Variants in NAGS observed in about 807,000 individuals in gnomAD.
The protein encoded by NAGS is N-acetylglutamate synthase, mitochondrial.
A neutral mutation model predicts 46.9 loss-of-function variants in NAGS; 34 were observed. The ratio of observed to expected loss-of-function variants is 0.72; its 90% CI spans 0.55 to 0.97. The LOEUF (loss-of-function observed/expected upper bound fraction) is 0.97, where lower values mean the gene tolerates loss of function less well. Ranked by LOEUF, NAGS falls within the 50% of genes least tolerant of loss-of-function variation. The pLI is 0.00. For missense variants in NAGS, 665 were observed against 747.0 expected, an observed-to-expected ratio of 0.89 and a Z score of 1.28; for synonymous variants, 334 against 346.3, an observed-to-expected ratio of 0.96 and a Z score of 0.39.
rs1375520176 is a variant in NAGS at position 44,007,255 on chromosome 17, C to A, written c.1097-68C>A. ...AATTGTCCCACCAGCGCCTGTCCTA[C>A]CTGCAGTCCCCACCAGGCTGCGCAA... On this transcript the variant is annotated intron_variant, in intron 4 of 6. Coordinates refer to ENST00000293404, the MANE Select transcript of NAGS (RefSeq NM_153006.3). The surrounding 1 kb of genome is among the most constrained non-coding windows in gnomAD (Gnocchi z 5.1). 1.3e-6 allele frequency: 2 copies of A among 1,506,704 alleles called. No homozygotes were observed. The highest frequency in any genetic ancestry group is 4.6e-5 in the East Asian group (2 of 43,048). The allele number at this position is 1,506,704 out of a possible 1,614,324, so 93.3% of individuals were successfully genotyped here.
chr17:44,006,899 C>CG lies in NAGS; in HGVS notation c.1096+190_1096+191insG. On this transcript the variant is annotated intron_variant, in intron 4 of 6. Transcript: ENST00000293404. This position sits in a 1 kb window ranked among gnomAD's most constrained non-coding sequence, Gnocchi z 4.8. ...GTGAGAGAGGAGGAGACCCAGTGTA[C>CG]TGGAAGGGAACTCCGAAGGAATTAA... 1.8e-6 allele frequency: 1 copy of CG among 541,806 alleles called. No homozygotes were observed. The highest frequency in any genetic ancestry group is 2.1e-5 in the South Asian group (1 of 46,848). 33.6% of individuals were successfully genotyped at this position (541,806 alleles called of 1,614,324 possible).
Position 44,004,782 on chromosome 17 carries a change from C to T in NAGS, c.119C>T (p.Ala40Val). Residue 40 changes from alanine (A) to valine (V), a missense_variant, in exon 1 of 7, where the codon GCG becomes GTG. Physicochemically the swap from Ala to Val is moderately conservative, Grantham distance 64. Coordinates refer to ENST00000293404, the MANE Select transcript of NAGS (RefSeq NM_153006.3). ...AGCTGTGGCGCGCGGCGGCGGGCGG[C>T]GAGGGGCACCAGCCCGGGGCGCCGG... The part of the protein sequence containing the change: ...RLSCGARRRA[A>V]RGTSPGRRLS... 7.3e-7 allele frequency: 1 copy of T among 1,364,322 alleles called. No individual in the cohort carries two copies. Among genetic ancestry groups the T allele is most frequent in the Non-Finnish European group, 9.4e-7 (1 of 1,064,908 alleles). 84.5% of individuals were successfully genotyped at this position (1,364,322 alleles called of 1,614,324 possible).
chr17:44,006,373 G>C lies in NAGS; in HGVS notation c.915+136G>C, dbSNP rs2049091471. 2 of 1,444,424 alleles carry C rather than the reference G, an allele frequency of 1.4e-6. No individual in the cohort carries two copies. The highest frequency in any genetic ancestry group is 5.0e-5 in the East Asian group (2 of 40,370). 89.5% of individuals were successfully genotyped at this position (1,444,424 alleles called of 1,614,324 possible). On this transcript the variant is annotated intron_variant, in intron 3 of 6. Coordinates refer to ENST00000293404, the MANE Select transcript of NAGS (RefSeq NM_153006.3). The surrounding 1 kb of genome is among the most constrained non-coding windows in gnomAD (Gnocchi z 4.8). ...AAAAGCCTAAGGGAGTATAGGGGAG[G>C]AGTTCAGCCCTGGGTGCCCAGATCT...
chr17:44,006,728 C>T lies in NAGS; in HGVS notation c.1096+19C>T, dbSNP rs1477182218. 2 of 1,573,590 alleles carry T rather than the reference C, an allele frequency of 1.3e-6. No individual in the cohort carries two copies. Among genetic ancestry groups the T allele is most frequent in the Non-Finnish European group, 1.7e-6 (2 of 1,152,514 alleles). ...AACAAGGGTGAGGGCGGTGGGCGGG[C>T]CGGGGACTGGGTCCCGGGAGTGAGT... On this transcript the variant is annotated intron_variant, in intron 4 of 6. Transcript: ENST00000293404. The surrounding 1 kb of genome is among the most constrained non-coding windows in gnomAD (Gnocchi z 4.8).
rs569081535 is a variant in NAGS, at chr17:44,007,085, A to C, written c.1097-238A>C. ...AGACTTCAAGGAGCGAGGCAAGACT[A>C]ACGGAAGTGGGTGGGGCTCCAGGCG... On this transcript the variant is annotated intron_variant, in intron 4 of 6. Transcript: ENST00000293404. The surrounding 1 kb of genome is among the most constrained non-coding windows in gnomAD (Gnocchi z 5.1). 8 of 592,408 alleles carry C rather than the reference A, an allele frequency of 1.4e-5. No homozygotes were observed. The highest frequency in any genetic ancestry group is 2.4e-5 in the Non-Finnish European group (8 of 335,336). 36.7% of individuals were successfully genotyped at this position (592,408 alleles called of 1,614,324 possible).
In NAGS at chr17:44,008,598, C is replaced by T; in HGVS notation, c.1602C>T (p.Ser534=). The T allele has an allele frequency of 6.2e-7, 1 of 1,613,666 alleles. No individual in the cohort carries two copies. Among genetic ancestry groups the T allele is most frequent in the East Asian group, 2.2e-5 (1 of 44,890 alleles). Reference sequence around the variant, plus strand: ...ACAAGCCAGCTTCTGACCCAGGCAGCTGACCCTCACCATGGACACTACAGG... The same window carrying T: ...ACAAGCCAGCTTCTGACCCAGGCAGTTGACCCTCACCATGGACACTACAGG... ...SFHKPASDPG[S] The change falls in exon 7 of 7, where the codon AGC becomes AGT. Residue 534 remains serine, a synonymous_variant. Coordinates refer to ENST00000293404, the MANE Select transcript of NAGS (RefSeq NM_153006.3).
rs1383005062 is a variant in NAGS, at chr17:44,007,088, G to A, written c.1097-235G>A. 2 of 594,896 alleles carry A rather than the reference G, an allele frequency of 3.4e-6. No homozygotes were observed. The highest frequency in any genetic ancestry group is 1.9e-5 in the African/African-American group (1 of 53,762). The allele number at this position is 594,896 out of a possible 1,614,324, so 36.9% of individuals were successfully genotyped here. On this transcript the variant is annotated intron_variant, in intron 4 of 6. Transcript: ENST00000293404. This position sits in a 1 kb window ranked among gnomAD's most constrained non-coding sequence, Gnocchi z 5.1. ...CTTCAAGGAGCGAGGCAAGACTAAC[G>A]GAAGTGGGTGGGGCTCCAGGCGACA...
chr17:44,006,479 GCAGT>G lies in NAGS; in HGVS notation c.916-48_916-45del, dbSNP rs1203884514. The G allele has an allele frequency of 2.6e-6, 4 of 1,544,998 alleles. No individual in the cohort carries two copies. Among genetic ancestry groups the G allele is most frequent in the African/African-American group, 1.4e-5 (1 of 73,076 alleles). ...AAGAGAGGTCCGTGGGGGTAGGGGG[GCAGT>G]CCGTGCCGGCTGTGGGCCAGGCTCA... On this transcript the variant is annotated intron_variant, in intron 3 of 6. Coordinates refer to ENST00000293404, the MANE Select transcript of NAGS (RefSeq NM_153006.3). This position sits in a 1 kb window ranked among gnomAD's most constrained non-coding sequence, Gnocchi z 4.8.
rs2143986383 is a variant in NAGS, at chr17:44,006,418, A to G, written c.916-111A>G. 6.7e-7 allele frequency: 1 copy of G among 1,498,226 alleles called. No homozygotes were observed. The highest frequency in any genetic ancestry group is 9.1e-7 in the Non-Finnish European group (1 of 1,104,948). The allele number at this position is 1,498,226 out of a possible 1,614,324, so 92.8% of individuals were successfully genotyped here. On this transcript the variant is annotated intron_variant, in intron 3 of 6. Transcript: ENST00000293404. This position sits in a 1 kb window ranked among gnomAD's most constrained non-coding sequence, Gnocchi z 4.8. Reference sequence around the variant, plus strand: ...AGATCTGCGCCCTCCCTGGCTAAGGACTCCGGGCGGAAGTAAGGATAAAGG... The same window carrying G: ...AGATCTGCGCCCTCCCTGGCTAAGGGCTCCGGGCGGAAGTAAGGATAAAGG...
rs748526567 is a variant in NAGS, at chr17:44,007,756, C to G, written c.1434C>G (p.Thr478=). The change falls in exon 6 of 7, where the codon ACC becomes ACG. Residue 478 remains threonine, a synonymous_variant. Transcript: ENST00000293404. The surrounding 1 kb of genome is among the most constrained non-coding windows in gnomAD (Gnocchi z 5.1). ...LQTLFWRSRV[T]NPINPWYFKH... The stretch of plus-strand genomic sequence containing the variant: ...CACTTTTCTGGCGCTCCCGGGTCAC[C>G]AACCCCATCAATCCCTGGTAGGTCC... 6.3e-7 allele frequency: 1 copy of G among 1,581,376 alleles called. No individual in the cohort carries two copies. The highest frequency in any genetic ancestry group is 8.6e-7 in the Non-Finnish European group (1 of 1,162,248).
rs1301987638 is a variant in NAGS, at chr17:44,005,978, G to A, written c.702-46G>A. On this transcript the variant is annotated intron_variant, in intron 2 of 6. Coordinates refer to ENST00000293404, the MANE Select transcript of NAGS (RefSeq NM_153006.3). The surrounding 1 kb of genome is among the most constrained non-coding windows in gnomAD (Gnocchi z 7.2). The stretch of plus-strand genomic sequence containing the variant: ...CTACTCTGCCCGCCCTGCCCCGTCC[G>A]GCAGGCCTGGAGGGGGCCCTCTCGA... The A allele has an allele frequency of 2.6e-6, 4 of 1,560,808 alleles. No homozygotes were observed. The highest frequency in any genetic ancestry group is 1.4e-5 in the African/African-American group (1 of 73,560).
Position 44,007,190 on chromosome 17 carries a change from C to A in NAGS, c.1097-133C>A. 1.3e-6 allele frequency: 1 copy of A among 774,536 alleles called. No homozygotes were observed. The highest frequency in any genetic ancestry group is 2.1e-6 in the Non-Finnish European group (1 of 483,170). The allele number at this position is 774,536 out of a possible 1,614,324, so 48.0% of individuals were successfully genotyped here. A position where few individuals can be genotyped will look rare whatever the true frequency, so the allele number is the denominator to read the frequency against. Reference sequence around the variant, plus strand: ...AAATCACAGACAAATCTATGCAGACCACTGAAATCATTTCACTGTGGAGGT... The same window carrying A: ...AAATCACAGACAAATCTATGCAGACAACTGAAATCATTTCACTGTGGAGGT... On this transcript the variant is annotated intron_variant, in intron 4 of 6. Transcript: ENST00000293404. The surrounding 1 kb of genome is among the most constrained non-coding windows in gnomAD (Gnocchi z 5.1).
Position 44,006,413 on chromosome 17 carries a change from TA to T in NAGS, c.916-114del. ...TGCCCAGATCTGCGCCCTCCCTGGC[TA>T]AGGACTCCGGGCGGAAGTAAGGATA... On this transcript the variant is annotated intron_variant, in intron 3 of 6. Coordinates refer to ENST00000293404, the MANE Select transcript of NAGS (RefSeq NM_153006.3). The surrounding 1 kb of genome is among the most constrained non-coding windows in gnomAD (Gnocchi z 4.8). 6.7e-7 allele frequency: 1 copy of T among 1,494,782 alleles called. No homozygotes were observed. Among genetic ancestry groups the T allele is most frequent in the Non-Finnish European group, 9.1e-7 (1 of 1,101,446 alleles). The allele number at this position is 1,494,782 out of a possible 1,614,324, so 92.6% of individuals were successfully genotyped here. A position where few individuals can be genotyped will look rare whatever the true frequency, so the allele number is the denominator to read the frequency against.
intron 6 of NAGS, among the ~76,000 whole-genome samples, 193 bp from the exon 7 acceptor site, chr17:44,008,255 G>A (rs2143992726): frequency 6.6e-6 from 1 of 152,344 alleles, no homozygotes; most frequent in East Asian, 1.9e-4. Context: ...CTGCTTCTCT[G>A]TGAGCTGAGC....
Position 44,008,935 on chromosome 17 carries a change from CTGTGCTA to C in NAGS, c.*338_*344del. On this transcript the variant is annotated 3_prime_UTR_variant, in exon 7 of 7. Coordinates refer to ENST00000293404, the MANE Select transcript of NAGS (RefSeq NM_153006.3). ...TAAGGGTGAGCTAGTTTCTGTGCCT[CTGTGCTA>C]TGTTTTGAGGCTCCCTTACCCAAAA... 1 of 411,878 alleles carries C rather than the reference CTGTGCTA, an allele frequency of 2.4e-6. No individual in the cohort carries two copies. Among genetic ancestry groups the C allele is most frequent in the East Asian group, 4.9e-5 (1 of 20,266 alleles). 25.5% of individuals were successfully genotyped at this position (411,878 alleles called of 1,614,324 possible). A position where few individuals can be genotyped will look rare whatever the true frequency, so the allele number is the denominator to read the frequency against.
At position 44,004,738 on chromosome 17, in the gene NAGS, TG is replaced by T; in HGVS notation, c.80del (p.Gly27AlafsTer5). On this transcript the variant is annotated frameshift_variant, in exon 1 of 7. Transcript: ENST00000293404. LOFTEE classifies it high-confidence loss of function. ...APRLRGRGGT[G>X]GARRLSCGAR... is the part of the protein sequence containing the mutation. Reference sequence around the variant, plus strand: ...CGAGGCTGAGAGGCCGGGGAGGCACTGGGGGCGCCCGAAGGCTGAGCTGTGG... The same window carrying T: ...CGAGGCTGAGAGGCCGGGGAGGCACTGGGGCGCCCGAAGGCTGAGCTGTGG... 2.7e-6 allele frequency: 4 copies of T among 1,474,344 alleles called. No individual in the cohort carries two copies. Among genetic ancestry groups the T allele is most frequent in the South Asian group, 1.4e-5 (1 of 70,410 alleles). 91.3% of individuals were successfully genotyped at this position (1,474,344 alleles called of 1,614,324 possible).
chr17:44,005,222 C>T lies in NAGS; in HGVS notation c.426+133C>T. On this transcript the variant is annotated intron_variant, in intron 1 of 6. Coordinates refer to ENST00000293404, the MANE Select transcript of NAGS (RefSeq NM_153006.3). The surrounding 1 kb of genome is among the most constrained non-coding windows in gnomAD (Gnocchi z 7.2). ...GGAAGGAGCCCGGCAGGGCCCAGACCAGCGCCGCCGGGAATGGGAGAGGCC... is the reference window on the plus strand; with the variant it reads ...GGAAGGAGCCCGGCAGGGCCCAGACTAGCGCCGCCGGGAATGGGAGAGGCC... The T allele has an allele frequency of 2.1e-6, 3 of 1,434,222 alleles. No individual in the cohort carries two copies. The highest frequency in any genetic ancestry group is 2.7e-6 in the Non-Finnish European group (3 of 1,096,340). The allele number at this position is 1,434,222 out of a possible 1,614,324, so 88.8% of individuals were successfully genotyped here.
Position 44,004,624 on chromosome 17 carries a change from A to G in NAGS, c.-40A>G. ...AGCCCCCCAGTGCCAGACGCTCCAG[A>G]CAGACTGCCACTCTTGGGGGGCAAG... On this transcript the variant is annotated 5_prime_UTR_variant, in exon 1 of 7. Transcript: ENST00000293404. 1 of 1,472,898 alleles carries G rather than the reference A, an allele frequency of 6.8e-7. No homozygotes were observed. The highest frequency in any genetic ancestry group is 1.4e-5 in the South Asian group (1 of 69,320). The allele number at this position is 1,472,898 out of a possible 1,614,324, so 91.2% of individuals were successfully genotyped here.
rs1234965320 is a variant in NAGS at position 44,006,486 on chromosome 17, G to A, written c.916-43G>A. On this transcript the variant is annotated intron_variant, in intron 3 of 6. Coordinates refer to ENST00000293404, the MANE Select transcript of NAGS (RefSeq NM_153006.3). The surrounding 1 kb of genome is among the most constrained non-coding windows in gnomAD (Gnocchi z 4.8). ...GTCCGTGGGGGTAGGGGGGCAGTCC[G>A]TGCCGGCTGTGGGCCAGGCTCACCC... 1 of 1,547,104 alleles carries A rather than the reference G, an allele frequency of 6.5e-7. No homozygotes were observed. The highest frequency in any genetic ancestry group is 8.7e-7 in the Non-Finnish European group (1 of 1,146,008).
Sources: allele counts gnomAD v4.1 joint callset (sites outside exome capture counted in the v4.1 genomes callset), GRCh38; gene constraint gnomAD v4.1.1; non-coding constraint Gnocchi (gnomAD v3.1); transcripts MANE v1.5; gene names NCBI Gene and HGNC (gene_info 2026-07-23, HGNC 2026-07-21).